The following CELSR1 variants were observed in gnomAD, a reference collection of about 807,000 sequenced individuals.
The protein encoded by CELSR1 is adhesion G protein-coupled receptor C1.
Under a neutral mutation model 249.1 loss-of-function variants are expected in CELSR1, and 110 were observed. That is an observed-to-expected ratio of 0.44 (90% CI 0.38 to 0.52). The LOEUF (loss-of-function observed/expected upper bound fraction) is 0.52. Ranked by LOEUF, CELSR1 falls within the 20% of genes least tolerant of loss-of-function variation. The probability of loss-of-function intolerance (pLI) is 0.00; values close to 1 mark genes in which losing one functional copy is unlikely to be tolerated. For synonymous variants in CELSR1, 2,113 were observed against 1,900.0 expected (o/e 1.11, Z -2.92); for missense variants, 4,109 against 4,296.4 (o/e 0.96, Z 1.22).
chr22:46,518,629 G>C lies in CELSR1; in HGVS notation c.3544+14998C>G, dbSNP rs2080652911. On this transcript the variant is annotated intron_variant, in intron 1 of 34. Transcript: ENST00000674500. This position sits in a 1 kb window ranked among gnomAD's most constrained non-coding sequence, Gnocchi z 5.2. ...GCAGATGAAGATATAAATTAAGATG[G>C]GGCCAGGCACGGTGGCCCACGCCTG... Among the ~76,000 whole-genome samples the C allele has an allele frequency of 6.6e-6, 1 of 152,202 alleles. No homozygotes were observed. The highest frequency in any genetic ancestry group is 1.5e-5 in the Non-Finnish European group (1 of 68,028).
At chr22:46,424,065 TA>T (rs145841270) in intron 5 of CELSR1, among the ~76,000 whole-genome samples, 3,876 of 151,628 alleles carry the variant, frequency 0.026, 137 homozygotes, top group African/African-American at 0.087. Context: ...TTGTAAATCT[TA>T]AAAAAAAATT....
In CELSR1 at chr22:46,448,916, C is replaced by G. The variant is rs2079850353; in HGVS notation, c.4184-9505G>C. On this transcript the variant is annotated intron_variant, in intron 2 of 34. Coordinates refer to ENST00000674500, the MANE Select transcript of CELSR1 (RefSeq NM_001378328.1). The surrounding 1 kb of genome is among the most constrained non-coding windows in gnomAD (Gnocchi z 5.7). ...CAGAGAAAGCACACAGATAGGAGGC[C>G]AAGAGGGGAACGTTACAGGGTTTCT... Among the ~76,000 whole-genome samples, 1 of 152,074 alleles carries G rather than the reference C, an allele frequency of 6.6e-6. No homozygotes were observed. Among genetic ancestry groups the G allele is most frequent in the African/African-American group, 2.4e-5 (1 of 41,396 alleles).
Position 46,364,137 on chromosome 22 carries a change from C to A in CELSR1, c.8894G>T (p.Arg2965Leu), listed in dbSNP as rs751371309. The change falls in exon 34 of 35, where the codon CGC (arginine) becomes CTC (leucine). Residue 2965 changes from arginine (R) to leucine (L), a missense_variant. By Grantham distance (102) the Arg-to-Leu change is moderately radical (BLOSUM62 -2). Transcript: ENST00000674500. Reference protein sequence around the residue: ...ADCEQSPTSSRTSSLGSGGPD... With the variant: ...ADCEQSPTSSLTSSLGSGGPD... ...GCCGCCAGAGCCCAGGGAAGACGTG[C>A]GCGAGGATGTGGGGCTCTGCTCACA... is the stretch of plus-strand genomic sequence containing the variant. The A allele has an allele frequency of 1.9e-6, 3 of 1,607,590 alleles. No individual in the cohort carries two copies. Among genetic ancestry groups the A allele is most frequent in the East Asian group, 4.5e-5 (2 of 44,870 alleles).
chr22:46,534,694 T>G lies in CELSR1; in HGVS notation c.2477A>C (p.Tyr826Ser). The G allele has an allele frequency of 6.2e-7, 1 of 1,613,570 alleles. No individual in the cohort carries two copies. The highest frequency in any genetic ancestry group is 8.5e-7 in the Non-Finnish European group (1 of 1,180,026). ...CTGCGGCACGGGGTCCTGAATCACG[T>G]AGGTGATGCGGGCATTCTCTCCTGT... ...EDTGENARIT[Y>S]VIQDPVPQFR... Residue 826 changes from tyrosine to serine, a missense_variant, in exon 1 of 35, where the codon TAC becomes TCC. Around this residue, in one of 7 missense-constraint regions of CELSR1, gnomAD observed 886 missense variants for 896.5 expected, o/e 0.99. Transcript: ENST00000674500. This position sits in a 1 kb window ranked among gnomAD's most constrained non-coding sequence, Gnocchi z 9.7.
intron 4 of CELSR1, among the ~76,000 whole-genome samples, chr22:46,435,555 T>C (rs2079649758): frequency 6.6e-6 from 1 of 152,096 alleles, no homozygotes. Flanking sequence ...GTGCTGGGGA[T>C]TACAGGCATG....
rs567312897 is a variant in CELSR1, at chr22:46,527,602, G to A, written c.3544+6025C>T. Among the ~76,000 whole-genome samples the A allele has an allele frequency of 5.6e-4, 86 of 152,318 alleles. 2 individuals are homozygous for A. Among genetic ancestry groups the A allele is most frequent in the South Asian group, 3.9e-3 (19 of 4,824 alleles). ...AAGTCAGGACCACACTGGCTCTCCC[G>A]GCTTTCGCACACAGCAGGTGCTCAA... On this transcript the variant is annotated intron_variant, in intron 1 of 34. Coordinates refer to ENST00000674500, the MANE Select transcript of CELSR1 (RefSeq NM_001378328.1). This position sits in a 1 kb window ranked among gnomAD's most constrained non-coding sequence, Gnocchi z 5.5.
rs770563711 is a variant in CELSR1 at position 46,381,922 on chromosome 22, C to T, written c.7012G>A (p.Val2338Ile). The change falls in exon 21 of 35, where the codon GTC (valine) becomes ATC (isoleucine). Residue 2338 changes from valine to isoleucine, a missense_variant. By Grantham distance (29) the Val-to-Ile change is conservative (BLOSUM62 3). This residue lies in a region of CELSR1 where 1,805 missense variants were observed against 1,831.6 expected (regional missense o/e 0.99). Transcript: ENST00000674500. This position sits in a 1 kb window ranked among gnomAD's most constrained non-coding sequence, Gnocchi z 6.0. ...RHPDDAGQFAVALVIIYRTLG... is the reference protein window; with the variant it reads ...RHPDDAGQFAIALVIIYRTLG... ...GTGCGGTAAATGATGACCAGAGCGA[C>T]GGCGAACTGGCCAGCGTCATCAGGG... 17 of 1,572,322 alleles carry T rather than the reference C, an allele frequency of 1.1e-5. No homozygotes were observed. Among genetic ancestry groups the T allele is most frequent in the Admixed American group, 7.3e-5 (4 of 54,590 alleles).
At chr22:46,457,113 G>A (rs1047070316) in intron 2 of CELSR1, among the ~76,000 whole-genome samples, 4 of 152,230 alleles carry the variant, frequency 2.6e-5, no homozygotes, top group East Asian at 1.9e-4. Context: ...TTGGGAGGCC[G>A]AGGCGGGAGG....
At chr22:46,497,410 C>T (rs2080423769) in intron 1 of CELSR1, among the ~76,000 whole-genome samples, 1 of 152,152 alleles carries the variant, frequency 6.6e-6, no homozygotes, top group South Asian at 2.1e-4. Context: ...GGACTTAATA[C>T]AAAGTCTGGC....
intron 3 of CELSR1, 145 bp downstream of exon 3, chr22:46,439,044 C>T: frequency 3.8e-6 from 3 of 786,560 alleles, no homozygotes; most frequent in Non-Finnish European, 6.1e-6. Context: ...AGGCGTGAGC[C>T]ACCGCGCCTG....
At position 46,439,198 on chromosome 22, in the gene CELSR1, ATGG is replaced by A; in HGVS notation, c.4394_4396del (p.Thr1465del). The A allele has an allele frequency of 6.2e-7, 1 of 1,612,902 alleles. No individual in the cohort carries two copies. The highest frequency in any genetic ancestry group is 8.5e-7 in the Non-Finnish European group (1 of 1,179,196). ...CGGGACGCACACTCACGTGAGGGAG[ATGG>A]TGAAGTGGAAGCGCTGTCTCAGGCC... is the stretch of plus-strand genomic sequence containing the variant. On this transcript the variant is annotated inframe_deletion, in exon 3 of 35. Coordinates refer to ENST00000674500, the MANE Select transcript of CELSR1 (RefSeq NM_001378328.1).
At chr22:46,529,963 T>A (rs1393514811) in intron 1 of CELSR1, among the ~76,000 whole-genome samples, 1 of 152,150 alleles carries the variant, frequency 6.6e-6, no homozygotes. Context: ...TTCTCCATGA[T>A]GTGATCATTA....
Position 46,490,118 on chromosome 22 carries a change from T to C in CELSR1, c.3545-25773A>G, listed in dbSNP as rs2080353627. Among the ~76,000 whole-genome samples the C allele has an allele frequency of 6.6e-6, 1 of 152,080 alleles. No homozygotes were observed. On this transcript the variant is annotated intron_variant, in intron 1 of 34. Coordinates refer to ENST00000674500, the MANE Select transcript of CELSR1 (RefSeq NM_001378328.1). The surrounding 1 kb of genome is among the most constrained non-coding windows in gnomAD (Gnocchi z 5.2). ...AGAACCAACGTTCCCAAGTGCAAAG[T>C]GTACACATGTCGACATGGCACTTCT...
Position 46,490,494 on chromosome 22 carries a change from T to C in CELSR1, c.3545-26149A>G, listed in dbSNP as rs540433483. Among the ~76,000 whole-genome samples the C allele has an allele frequency of 1.3e-4, 20 of 151,732 alleles. No homozygotes were observed. Among genetic ancestry groups the C allele is most frequent in the African/African-American group, 4.6e-4 (19 of 41,314 alleles). On this transcript the variant is annotated intron_variant, in intron 1 of 34. Transcript: ENST00000674500. The surrounding 1 kb of genome is among the most constrained non-coding windows in gnomAD (Gnocchi z 5.2). ...TAGAGACGGGGTTTCACCATGTTGG[T>C]CAGGCTGGTCTCGAACTCCTGACCG...
Position 46,409,692 on chromosome 22 carries a change from C to A in CELSR1, c.5059+63G>T. On this transcript the variant is annotated intron_variant, in intron 8 of 34. Transcript: ENST00000674500. This position sits in a 1 kb window ranked among gnomAD's most constrained non-coding sequence, Gnocchi z 9.8. ...AGCCCCCTCACGGTGGTCCCGGGCA[C>A]ATCAAGGAGCAATGCCTCCCAGGCC... is the stretch of plus-strand genomic sequence containing the variant. The A allele has an allele frequency of 6.3e-7, 1 of 1,599,614 alleles. No individual in the cohort carries two copies. Among genetic ancestry groups the A allele is most frequent in the Non-Finnish European group, 8.5e-7 (1 of 1,176,322 alleles).
Position 46,391,141 on chromosome 22 carries a change from A to G in CELSR1, c.6250+45T>C, listed in dbSNP as rs1384224030. On this transcript the variant is annotated intron_variant, in intron 16 of 34. Coordinates refer to ENST00000674500, the MANE Select transcript of CELSR1 (RefSeq NM_001378328.1). The surrounding 1 kb of genome is among the most constrained non-coding windows in gnomAD (Gnocchi z 4.3). ...CACATCTCGACTGGCTCCTCCCACAAGGACGCCTGCCTCAGTTCCCTACAC... is the reference window on the plus strand; with the variant it reads ...CACATCTCGACTGGCTCCTCCCACAGGGACGCCTGCCTCAGTTCCCTACAC... 6.6e-7 allele frequency: 1 copy of G among 1,508,696 alleles called. No individual in the cohort carries two copies. The highest frequency in any genetic ancestry group is 9.1e-7 in the Non-Finnish European group (1 of 1,095,582). 93.5% of individuals were successfully genotyped at this position (1,508,696 alleles called of 1,614,324 possible).
At position 46,407,956 on chromosome 22, in the gene CELSR1, C is replaced by T. The variant is rs544942973; in HGVS notation, c.5226+1040G>A. Among the ~76,000 whole-genome samples, 4 of 152,290 alleles carry T rather than the reference C, an allele frequency of 2.6e-5. No homozygotes were observed. Among genetic ancestry groups the T allele is most frequent in the Non-Finnish European group, 4.4e-5 (3 of 68,022 alleles). On this transcript the variant is annotated intron_variant, in intron 9 of 34. Transcript: ENST00000674500. The surrounding 1 kb of genome is among the most constrained non-coding windows in gnomAD (Gnocchi z 4.8). ...CAGGCAGAGGGGCAAGAGGGCAAGC[C>T]GAGGGCCGGGCACCCTCCTGGGGAG...
intron 18 of CELSR1, among the ~76,000 whole-genome samples, chr22:46,388,131 C>G (rs2079051113): frequency 1.3e-5 from 2 of 152,062 alleles, no homozygotes; most frequent in African/African-American, 4.8e-5. Context: ...GGTGGATCAC[C>G]TGAGGTCAGG....
In CELSR1 at chr22:46,473,654, A is replaced by G. The variant is rs950333415; in HGVS notation, c.3545-9309T>C. Among the ~76,000 whole-genome samples, 1 of 152,062 alleles carries G rather than the reference A, an allele frequency of 6.6e-6. No individual in the cohort carries two copies. Among genetic ancestry groups the G allele is most frequent in the Non-Finnish European group, 1.5e-5 (1 of 67,994 alleles). ...TGGCCGGCTGTGATCACATCCACAGAGCGTTGCTTGCTGTCCAGCTGGTAA... is the reference window on the plus strand; with the variant it reads ...TGGCCGGCTGTGATCACATCCACAGGGCGTTGCTTGCTGTCCAGCTGGTAA... On this transcript the variant is annotated intron_variant, in intron 1 of 34. Transcript: ENST00000674500. The surrounding 1 kb of genome is among the most constrained non-coding windows in gnomAD (Gnocchi z 6.6).
Sources: gnomAD v4.1 joint callset for allele counts (sites outside exome capture counted in the v4.1 genomes callset) on GRCh38, gnomAD v4.1.1 for gene constraint, gnomAD v4.1.1 regional missense constraint, Gnocchi (gnomAD v3.1) non-coding constraint, MANE v1.5 for transcripts, NCBI Gene and HGNC (gene_info 2026-07-23, HGNC 2026-07-21) for gene names.